STK33: variants seen among roughly 807,000 people sequenced by gnomAD.
STK33 encodes serine/threonine-protein kinase 33.
Under a neutral mutation model 58.0 loss-of-function variants are expected in STK33, and 52 were observed. That is an observed-to-expected ratio of 0.90 (90% CI 0.72 to 1.13). The LOEUF (loss-of-function observed/expected upper bound fraction) is 1.13. Ranked by LOEUF, STK33 falls within the 50% of genes most tolerant of loss-of-function variation. The probability of loss-of-function intolerance (pLI) is 0.00; values close to 1 mark genes in which losing one functional copy is unlikely to be tolerated. For missense variants in STK33, 630 were observed against 604.2 expected (o/e 1.04, Z -0.45); for synonymous variants, 215 against 200.1 (o/e 1.07, Z -0.63).
intron 8 of STK33, among the ~76,000 whole-genome samples, chr11:8,458,104 G>A (rs1347098950): frequency 6.6e-6 from 1 of 152,088 alleles, no homozygotes; most frequent in African/African-American, 2.4e-5. Flanking sequence ...GGGTTGCGGG[G>A]TGCACGTGTA....
At chr11:8,535,307 C>T (rs1266791298) in intron 1 of STK33, among the ~76,000 whole-genome samples, 1 of 152,114 alleles carries the variant, frequency 6.6e-6, no homozygotes, top group Non-Finnish European at 1.5e-5. Context: ...GGGTTCTACA[C>T]AGCCAGACCA....
intron 1 of STK33, among the ~76,000 whole-genome samples, chr11:8,588,895 A>G (rs187714289): frequency 4.6e-5 from 7 of 152,332 alleles, no homozygotes; most frequent in Admixed American, 3.9e-4. Flanking sequence ...CAAATTGCAT[A>G]TCTTCATATT....
chr11:8,441,498 C>A (rs1944739106), intron 11 of STK33, among the ~76,000 whole-genome samples: 1 of 152,046 alleles, frequency 6.6e-6, no homozygotes, highest in Non-Finnish European at 1.5e-5. Context: ...ACTACAGGTG[C>A]ATACTATCAT....
intron 14 of STK33, among the ~76,000 whole-genome samples, chr11:8,421,575 T>C (rs1941926200): frequency 6.6e-6 from 1 of 152,238 alleles, no homozygotes. Context: ...TTGGCTATTT[T>C]TGATCCTTTA....
chr11:8,375,581 G>A, the STK33 span, among the ~76,000 whole-genome samples: 14 of 152,264 alleles, frequency 9.2e-5, no homozygotes, highest in African/African-American at 2.9e-4. Flanking sequence ...GTTCACACAC[G>A]GTGCCAGCAG....
rs529557424 is a variant in STK33 at position 8,419,364 on chromosome 11, T to C, written c.1147-5672A>G. ...GTCCTTTCCCCACTGCTTGGTTTTG[T>C]CAGCTTTGTTGAAGTTCAGATGGTC... On this transcript the variant is annotated intron_variant, in intron 14 of 15. Transcript: ENST00000687296. Among the ~76,000 whole-genome samples, 74 of 152,334 alleles carry C rather than the reference T, an allele frequency of 4.9e-4. 1 individual carries two copies. The South Asian group carries it at 7.7e-3, about 16-fold the overall frequency.
chr11:8,424,802 C>T (rs185698393), intron 14 of STK33, among the ~76,000 whole-genome samples: 66,259 of 123,374 alleles, frequency 0.54, 19,453 homozygotes, highest in South Asian at 0.68. Context: ...GAGAAGTGTC[C>T]GTTCATATCC....
chr11:8,480,176 C>G (rs1016260485), intron 2 of STK33, among the ~76,000 whole-genome samples: 1 of 152,108 alleles, frequency 6.6e-6, no homozygotes, highest in African/African-American at 2.4e-5. Context: ...TAAAGGGCTT[C>G]CTGACATTTA....
intron 15 of STK33, among the ~76,000 whole-genome samples, chr11:8,397,916 GAATA>G (rs1298892013): frequency 6.6e-6 from 1 of 152,110 alleles, no homozygotes; most frequent in Non-Finnish European, 1.5e-5. Context: ...AGAGAAAAAA[GAATA>G]AAAAGAAACG....
At chr11:8,423,535 AG>A (rs1942257717) in intron 14 of STK33, among the ~76,000 whole-genome samples, 1 of 152,078 alleles carries the variant, frequency 6.6e-6, no homozygotes, top group South Asian at 2.1e-4. Context: ...AGGTATATGC[AG>A]ATATTTAATC....
At chr11:8,479,136 C>T (rs1949559250) in intron 2 of STK33, among the ~76,000 whole-genome samples, 1 of 152,006 alleles carries the variant, frequency 6.6e-6, no homozygotes, top group Non-Finnish European at 1.5e-5. Context: ...GAACAGAGGC[C>T]GGGTGCGGTG....
chr11:8,367,031 G>A, the STK33 span, among the ~76,000 whole-genome samples: 1 of 152,232 alleles, frequency 6.6e-6, no homozygotes. Context: ...TCCATGCCAT[G>A]TGTGTACATA....
At chr11:8,400,537 G>A (rs1267155833) in intron 15 of STK33, among the ~76,000 whole-genome samples, 1 of 152,168 alleles carries the variant, frequency 6.6e-6, no homozygotes, top group East Asian at 1.9e-4. Flanking sequence ...AAAACTGGAA[G>A]CATTCCCTTT....
At chr11:8,465,343 A>C (rs555326329) in intron 6 of STK33, 2 of 152,306 alleles carry the variant, frequency 1.3e-5, no homozygotes, top group African/African-American at 4.8e-5. Flanking sequence ...CTTTAAAAAA[A>C]AAAAAGCAAT....
At chr11:8,528,336 T>C (rs10743075) in intron 1 of STK33, among the ~76,000 whole-genome samples, 61,858 of 152,122 alleles carry the variant, frequency 0.41, 13,571 homozygotes, top group African/African-American at 0.59. Flanking sequence ...TTCCTGGAAC[T>C]TGTGATACAA....
intron 1 of STK33, among the ~76,000 whole-genome samples, chr11:8,490,763 T>C (rs1336810038): frequency 6.6e-6 from 1 of 152,198 alleles, no homozygotes; most frequent in Non-Finnish European, 1.5e-5. Context: ...ATCTTTGTTG[T>C]TCTGCAGCCT....
chr11:8,551,263 G>C (rs1445278870), intron 1 of STK33, among the ~76,000 whole-genome samples: 3 of 151,896 alleles, frequency 2.0e-5, no homozygotes, highest in Non-Finnish European at 2.9e-5. Context: ...CTGAGTAGCT[G>C]GAACTATAGG....
At chr11:8,346,659 C>G in the STK33 span, among the ~76,000 whole-genome samples, 1 of 152,232 alleles carries the variant, frequency 6.6e-6, no homozygotes, top group Non-Finnish European at 1.5e-5. Context: ...TTGCCCTGGT[C>G]TCTTTATTTC....
intron 15 of STK33, among the ~76,000 whole-genome samples, chr11:8,409,073 A>G (rs1939763954): frequency 6.6e-6 from 1 of 152,242 alleles, no homozygotes; most frequent in South Asian, 2.1e-4. Flanking sequence ...CCCAGAAATG[A>G]GCCAAGGGTC....
Sources: gnomAD v4.1 joint callset for allele counts (sites outside exome capture counted in the v4.1 genomes callset) on GRCh38, gnomAD v4.1.1 for gene constraint, MANE v1.5 for transcripts, NCBI Gene and HGNC (gene_info 2026-07-23, HGNC 2026-07-21) for gene names.